Variants in SPMIP4 observed in about 807,000 individuals in gnomAD.
SPMIP4 encodes the protein sperm-associated microtubule inner protein 4.
At chr7:25,135,327 G>C in the SPMIP4 span, 2 of 985,310 alleles carry the variant, frequency 2.0e-6, no homozygotes, top group Non-Finnish European at 2.4e-6. Flanking sequence ...AAGGTTAAGG[G>C]TAAGCAAACA....
the SPMIP4 span, among the ~76,000 whole-genome samples, chr7:25,152,673 T>C: frequency 6.6e-6 from 1 of 151,678 alleles, no homozygotes; most frequent in Non-Finnish European, 1.5e-5. Flanking sequence ...CTTCCTTCCT[T>C]CTTTCCTTCC....
At chr7:25,155,288 A>G in the SPMIP4 span, 1 of 1,101,248 alleles carries the variant, frequency 9.1e-7, no homozygotes, top group Non-Finnish European at 1.3e-6. Flanking sequence ...ACCCTTTTTT[A>G]AATGGCAGAA....
At chr7:25,147,885 A>G in the SPMIP4 span, among the ~76,000 whole-genome samples, 8 of 152,170 alleles carry the variant, frequency 5.3e-5, no homozygotes, top group African/African-American at 1.9e-4. Context: ...TGAGGAAACT[A>G]GGTATTGAAG....
chr7:25,142,695 T>C, the SPMIP4 span: 2 of 1,613,504 alleles, frequency 1.2e-6, no homozygotes, highest in South Asian at 2.2e-5. Flanking sequence ...GATTTCTTTG[T>C]ATGTTGGCTT....
chr7:25,128,437 T>G, the SPMIP4 span, among the ~76,000 whole-genome samples: 1 of 152,306 alleles, frequency 6.6e-6, no homozygotes, highest in South Asian at 2.1e-4. The surrounding 1 kb of genome is among the most constrained non-coding windows in gnomAD (Gnocchi z 4.5). Context: ...CACTCTTCCC[T>G]CCTCTTTCCT....
chr7:25,164,240 G>A, the SPMIP4 span, among the ~76,000 whole-genome samples: 1 of 152,280 alleles, frequency 6.6e-6, no homozygotes, highest in South Asian at 2.1e-4. Flanking sequence ...AGCTTTGGTG[G>A]TTTAGAGGTC....
the SPMIP4 span, chr7:25,158,459 T>C: frequency 1.6e-5 from 24 of 1,506,882 alleles, no homozygotes; most frequent in Non-Finnish European, 2.0e-5. Context: ...TTTTTTTTTC[T>C]TTGATTATAA....
chr7:25,131,552 G>A, the SPMIP4 span, among the ~76,000 whole-genome samples: 2 of 152,312 alleles, frequency 1.3e-5, no homozygotes, highest in South Asian at 2.1e-4. The surrounding 1 kb of genome is among the most constrained non-coding windows in gnomAD (Gnocchi z 4.2). Flanking sequence ...AAAACACTTC[G>A]TATTATTGTT....
chr7:25,173,531 C>T, the SPMIP4 span, among the ~76,000 whole-genome samples: 55,743 of 152,040 alleles, frequency 0.37, 12,426 homozygotes, highest in Non-Finnish European at 0.5. The surrounding 1 kb of genome is among the most constrained non-coding windows in gnomAD (Gnocchi z 4.4). Context: ...TTGCTAACCC[C>T]GCACTGGCTA....
chr7:25,150,596 G>C, the SPMIP4 span, among the ~76,000 whole-genome samples: 1 of 152,174 alleles, frequency 6.6e-6, no homozygotes, highest in African/African-American at 2.4e-5. Context: ...ACTTGGCACT[G>C]CTTCTCACCA....
At chr7:25,175,678 T>A in the SPMIP4 span, among the ~76,000 whole-genome samples, 2 of 152,208 alleles carry the variant, frequency 1.3e-5, no homozygotes, top group African/African-American at 4.8e-5. Context: ...CGTTCACCCT[T>A]ACCATTATGA....
the SPMIP4 span, among the ~76,000 whole-genome samples, chr7:25,131,461 G>C: frequency 1.3e-5 from 2 of 152,206 alleles, no homozygotes; most frequent in African/African-American, 4.8e-5. This position sits in a 1 kb window ranked among gnomAD's most constrained non-coding sequence, Gnocchi z 4.2. Flanking sequence ...AAAGGTTGTG[G>C]ACTGCTGGGT....
chr7:25,158,385 A>AAG, the SPMIP4 span: 5 of 761,346 alleles, frequency 6.6e-6, no homozygotes, highest in East Asian at 5.7e-5. Context: ...AAAAAAAAAA[A>AAG]AAAGAAACGT....
the SPMIP4 span, among the ~76,000 whole-genome samples, chr7:25,165,940 C>T: frequency 6.6e-6 from 1 of 152,306 alleles, no homozygotes; most frequent in East Asian, 1.9e-4. Flanking sequence ...GCTTCCCAGC[C>T]TTCCTAGCAG....
At chr7:25,135,711 GAAGAT>G in the SPMIP4 span, 5 of 994,762 alleles carry the variant, frequency 5.0e-6, no homozygotes, top group South Asian at 1.2e-4. Flanking sequence ...TGTATAATCT[GAAGAT>G]GAGAGATTAA....
At chr7:25,154,158 G>A in the SPMIP4 span, among the ~76,000 whole-genome samples, 1 of 152,142 alleles carries the variant, frequency 6.6e-6, no homozygotes, top group African/African-American at 2.4e-5. Context: ...CTTTCAAAAC[G>A]TTACTGTCTG....
the SPMIP4 span, chr7:25,179,874 G>T: frequency 1.3e-5 from 2 of 152,676 alleles, no homozygotes; most frequent in Admixed American, 6.5e-5. Context: ...GGAAGGCCAG[G>T]AGCCGGCGTA....
the SPMIP4 span, among the ~76,000 whole-genome samples, chr7:25,139,441 T>A: frequency 6.6e-6 from 1 of 152,148 alleles, no homozygotes; most frequent in South Asian, 2.1e-4. Flanking sequence ...TCAAACATTT[T>A]ATAATAATAT....
At chr7:25,168,524 A>G in the SPMIP4 span, 20 of 1,386,158 alleles carry the variant, frequency 1.4e-5, no homozygotes, top group Middle Eastern at 1.9e-4. Context: ...ATAAAATTGC[A>G]TAACAGATTG....
Sources: allele counts gnomAD v4.1 joint callset (sites outside exome capture counted in the v4.1 genomes callset), GRCh38; gene constraint gnomAD v4.1.1; non-coding constraint Gnocchi (gnomAD v3.1); transcripts MANE v1.5; gene names NCBI Gene and HGNC (gene_info 2026-07-23, HGNC 2026-07-21).